The following CYTH1 variants were observed in gnomAD, a reference collection of about 807,000 sequenced individuals.
The protein encoded by CYTH1 is cytohesin-1.
In CYTH1, 18 loss-of-function variants were observed where a neutral mutation model predicts 61.8. The observed-to-expected ratio is 0.29, with a 90% CI of 0.20 to 0.43. The LOEUF (loss-of-function observed/expected upper bound fraction) is 0.43, where lower values mean the gene tolerates loss of function less well. Ranked by LOEUF, CYTH1 falls within the 20% of genes least tolerant of loss-of-function variation. The probability of loss-of-function intolerance (pLI) is 1.00; values close to 1 mark genes in which losing one functional copy is unlikely to be tolerated. For missense variants in CYTH1, 336 were observed against 510.5 expected (o/e 0.66, Z 3.29); for synonymous variants, 174 against 184.3 (o/e 0.94, Z 0.45).
chr17:78,709,588 C>T, intron 2 of CYTH1, 62 bp downstream of exon 2: 3 of 1,571,542 alleles, frequency 1.9e-6, no homozygotes, highest in Non-Finnish European at 1.8e-6. Flanking sequence ...GACACCCTTT[C>T]ATACAAATGG....
intron 1 of CYTH1, among the ~76,000 whole-genome samples, chr17:78,729,991 A>G (rs929436766): frequency 2.6e-5 from 4 of 152,192 alleles, no homozygotes; most frequent in African/African-American, 9.7e-5. Flanking sequence ...TTTTTATTCA[A>G]AGAAAATACA....
chr17:78,712,143 A>G (rs1220484695), intron 1 of CYTH1, among the ~76,000 whole-genome samples: 5 of 86,398 alleles, frequency 5.8e-5, no homozygotes, highest in Non-Finnish European at 9.3e-5. Context: ...GAAGGAAGGG[A>G]AGGAGGAAGG....
chr17:78,751,024 C>G (rs2144672434), intron 1 of CYTH1, among the ~76,000 whole-genome samples: 2 of 152,152 alleles, frequency 1.3e-5, no homozygotes, highest in South Asian at 4.2e-4. Context: ...CACTCTGTCA[C>G]CCAGGCTGGA....
intron 10 of CYTH1, among the ~76,000 whole-genome samples, chr17:78,695,504 T>C (rs1197961530): frequency 2.0e-5 from 3 of 152,196 alleles, no homozygotes; most frequent in Non-Finnish European, 4.4e-5. Context: ...TTTTCCATCA[T>C]GGTAAATCAG....
chr17:78,768,184 C>A (rs1365100902), intron 1 of CYTH1, among the ~76,000 whole-genome samples: 1 of 152,150 alleles, frequency 6.6e-6, no homozygotes, highest in Admixed American at 6.5e-5. Context: ...AGCTCCTGCC[C>A]TCTCTCTCTT....
chr17:78,721,597 G>A (rs139206125), intron 1 of CYTH1, among the ~76,000 whole-genome samples: 148 of 152,282 alleles, frequency 9.7e-4, no homozygotes, highest in African/African-American at 3.4e-3. Flanking sequence ...TGTTGGAGCC[G>A]TCTCATCTGA....
At chr17:78,690,363 C>T (rs1439370940) in intron 11 of CYTH1, among the ~76,000 whole-genome samples, 1 of 124,518 alleles carries the variant, frequency 8.0e-6, no homozygotes, top group African/African-American at 3.1e-5. Flanking sequence ...CACTGCACTC[C>T]AGCCTGGGCA....
At chr17:78,712,184 G>A (rs1441970230) in intron 1 of CYTH1, among the ~76,000 whole-genome samples, 2 of 146,456 alleles carry the variant, frequency 1.4e-5, no homozygotes, top group Non-Finnish European at 3.0e-5. Flanking sequence ...GAGGGAGGTA[G>A]GAGAGAGAGA....
At chr17:78,719,203 G>A (rs1338774711) in intron 1 of CYTH1, among the ~76,000 whole-genome samples, 1 of 152,194 alleles carries the variant, frequency 6.6e-6, no homozygotes, top group African/African-American at 2.4e-5. Flanking sequence ...TCACCAGCTG[G>A]ATGACCCTGG....
intron 1 of CYTH1, among the ~76,000 whole-genome samples, chr17:78,740,733 T>C (rs986891085): frequency 2.6e-5 from 4 of 152,242 alleles, no homozygotes; most frequent in African/African-American, 4.8e-5. Flanking sequence ...TGAGATATTT[T>C]TGAGATTGCA....
chr17:78,681,569 C>T (rs1310240769), intron 11 of CYTH1, among the ~76,000 whole-genome samples: 1 of 152,148 alleles, frequency 6.6e-6, no homozygotes, highest in Non-Finnish European at 1.5e-5. Flanking sequence ...TTTCCAAAGG[C>T]ACCTTGACTC....
At chr17:78,719,844 C>T (rs563949725) in intron 1 of CYTH1, among the ~76,000 whole-genome samples, 1 of 152,198 alleles carries the variant, frequency 6.6e-6, no homozygotes, top group Admixed American at 6.5e-5. Flanking sequence ...CACACCTTCA[C>T]ACAGTCTATC....
intron 1 of CYTH1, among the ~76,000 whole-genome samples, chr17:78,718,830 G>C (rs1052184429): frequency 1.3e-5 from 2 of 152,310 alleles, no homozygotes; most frequent in East Asian, 3.9e-4. Context: ...GCACAAATAG[G>C]TGCCCAACAA....
At chr17:78,682,915 T>G (rs2092778296) in intron 11 of CYTH1, among the ~76,000 whole-genome samples, 1 of 152,194 alleles carries the variant, frequency 6.6e-6, no homozygotes, top group African/African-American at 2.4e-5. Context: ...TGGGGGAGGT[T>G]TAAAAAAATT....
intron 1 of CYTH1, among the ~76,000 whole-genome samples, chr17:78,744,645 A>G (rs1287584318): frequency 6.6e-6 from 1 of 152,118 alleles, no homozygotes; most frequent in Non-Finnish European, 1.5e-5. Flanking sequence ...ACCTTGGGGG[A>G]AAAAAGAGTT....
chr17:78,733,745 G>C (rs1040873772), intron 1 of CYTH1, among the ~76,000 whole-genome samples: 1 of 152,244 alleles, frequency 6.6e-6, no homozygotes, highest in Non-Finnish European at 1.5e-5. Context: ...TCCCCAGATG[G>C]ACAAGAACAG....
At chr17:78,729,586 G>A (rs575207345) in intron 1 of CYTH1, among the ~76,000 whole-genome samples, 1 of 152,120 alleles carries the variant, frequency 6.6e-6, no homozygotes, top group Non-Finnish European at 1.5e-5. Context: ...AAAACATAAA[G>A]AGCACACACC....
chr17:78,741,464 A>G (rs1050976054), intron 1 of CYTH1, among the ~76,000 whole-genome samples: 1 of 152,226 alleles, frequency 6.6e-6, no homozygotes, highest in African/African-American at 2.4e-5. Flanking sequence ...TAATACCCAT[A>G]TCAATCATTA....
chr17:78,702,321 G>A (rs947807066), intron 4 of CYTH1, 81 bp from the exon 5 acceptor site: 9 of 1,187,630 alleles, frequency 7.6e-6, no homozygotes, highest in Non-Finnish European at 1.1e-5. Context: ...AGGAAGAAAT[G>A]GGTGTGGGTG....
Sources: allele counts gnomAD v4.1 joint callset (sites outside exome capture counted in the v4.1 genomes callset), GRCh38; gene constraint gnomAD v4.1.1; transcripts MANE v1.5; gene names NCBI Gene and HGNC (gene_info 2026-07-23, HGNC 2026-07-21).